TMEM44: variants seen among roughly 807,000 people sequenced by gnomAD.
TMEM44 encodes transmembrane protein 44.
In TMEM44, 43 loss-of-function variants were observed where a neutral mutation model predicts 47.8. The observed-to-expected ratio is 0.90, with a 90% CI of 0.70 to 1.16. The LOEUF is 1.16. TMEM44 is among the 50% of genes most tolerant of loss of function. The pLI is 0.00. For synonymous variants in TMEM44, 277 were observed against 238.8 expected (o/e 1.16, Z -1.48); for missense variants, 568 against 555.2 (o/e 1.02, Z -0.23).
intron 9 of TMEM44, chr3:194,593,075 T>TGCAGAATAAAAAGAGAG: frequency 6.2e-7 from 1 of 1,613,508 alleles, no homozygotes. Context: ...ATACTTCTGC[T>TGCAGAATAAAAAGAGAG]GCAGAATAAA....
chr3:194,615,439 C>CT (rs1715774736), intron 7 of TMEM44, 130 bp downstream of exon 7: 17 of 1,303,224 alleles, frequency 1.3e-5, no homozygotes, highest in Admixed American at 2.3e-5. Flanking sequence ...GGACAGCTGT[C>CT]TGAGTCGCCT....
intron 9 of TMEM44, among the ~76,000 whole-genome samples, chr3:194,599,449 A>G (rs1713806066): frequency 6.6e-6 from 1 of 152,186 alleles, no homozygotes; most frequent in Non-Finnish European, 1.5e-5. Context: ...CTTCAAGCAA[A>G]TAGGGGGGCA....
In TMEM44 at chr3:194,610,961, T is replaced by G; in HGVS notation, c.972A>C (p.Thr324=). ...LSHCKSLRTM[T]AISRYMELTI... is the part of the protein sequence containing the mutation. ...TCAGCTCCATGTAGCGACTGATTGC[T>G]GTCATTGTCCTCAGTGACTTGCAGT... The change falls in exon 8 of 10, where the codon ACA becomes ACC. Residue 324 remains threonine (T), a synonymous_variant. Transcript: ENST00000347147. The G allele has an allele frequency of 1.2e-6, 2 of 1,614,078 alleles. No homozygotes were observed. The highest frequency in any genetic ancestry group is 1.7e-6 in the Non-Finnish European group (2 of 1,180,010).
Position 194,633,301 on chromosome 3 carries a change from G to A in TMEM44, c.-86C>T, listed in dbSNP as rs1219860822. The A allele has an allele frequency of 4.7e-6, 3 of 637,660 alleles. No homozygotes were observed. The highest frequency in any genetic ancestry group is 5.9e-6 in the Non-Finnish European group (3 of 505,994). The allele number at this position is 637,660 out of a possible 1,614,324, so 39.5% of individuals were successfully genotyped here. ...CAAGCCCCGAGCGCCGCCGCCCCGC[G>A]TGCCCTTCTCTGGGTTCCGTTCCGC... On this transcript the variant is annotated 5_prime_UTR_variant, in exon 1 of 10. In the 5' UTR this introduces an upstream ATG that the reference lacks. Transcript: ENST00000347147.
At chr3:194,623,347 T>C in intron 4 of TMEM44, 37 bp from the exon 5 acceptor site, 1 of 1,568,194 alleles carries the variant, frequency 6.4e-7, no homozygotes, top group Non-Finnish European at 8.7e-7. Context: ...ATCAGTACTC[T>C]GCAGAGACTG....
intron 7 of TMEM44, among the ~76,000 whole-genome samples, chr3:194,612,518 A>G (rs1276192301): frequency 6.6e-6 from 1 of 151,664 alleles, no homozygotes; most frequent in Non-Finnish European, 1.5e-5. Context: ...CACTTCCTCC[A>G]TCCTGGCCAC....
intron 9 of TMEM44, among the ~76,000 whole-genome samples, chr3:194,591,022 C>T (rs544065711): frequency 2.6e-5 from 4 of 151,632 alleles, no homozygotes; most frequent in East Asian, 3.9e-4. Flanking sequence ...GGTGAAACCC[C>T]GTCTCTACCA....
chr3:194,588,759 G>C (rs1180784855), intron 9 of TMEM44, 120 bp from the exon 10 acceptor site: 1 of 969,552 alleles, frequency 1.0e-6, no homozygotes, highest in Admixed American at 2.0e-5. Context: ...CACAGACAAG[G>C]ACAAAAGGGT....
intron 1 of TMEM44, among the ~76,000 whole-genome samples, chr3:194,629,375 G>A (rs893659021): frequency 2.6e-5 from 4 of 152,164 alleles, no homozygotes; most frequent in Non-Finnish European, 4.4e-5. Context: ...CTCCCTCAGC[G>A]CCCCCACAGC....
chr3:194,602,789 C>T (rs561362804), intron 9 of TMEM44, among the ~76,000 whole-genome samples: 1 of 152,254 alleles, frequency 6.6e-6, no homozygotes, highest in East Asian at 1.9e-4. Flanking sequence ...GACTGCCACC[C>T]TGAGGAATCC....
chr3:194,597,504 C>T (rs1057018812), intron 9 of TMEM44, among the ~76,000 whole-genome samples: 3 of 151,672 alleles, frequency 2.0e-5, no homozygotes, highest in African/African-American at 7.3e-5. Context: ...ACTAAAAATA[C>T]AAAAAATTAG....
At chr3:194,617,878 C>A (rs1045983942) in intron 5 of TMEM44, 3 of 620,296 alleles carry the variant, frequency 4.8e-6, no homozygotes, top group Admixed American at 5.0e-5. Flanking sequence ...CTCCTGAGAT[C>A]TGGCTGTTCA....
At chr3:194,626,766 C>T (rs1368450153) in intron 2 of TMEM44, among the ~76,000 whole-genome samples, 1 of 150,306 alleles carries the variant, frequency 6.7e-6, no homozygotes, top group African/African-American at 2.5e-5. Flanking sequence ...TCACTGCAAG[C>T]TCCACCTCCT....
chr3:194,600,961 T>C (rs896096395), intron 9 of TMEM44, among the ~76,000 whole-genome samples: 7 of 152,178 alleles, frequency 4.6e-5, no homozygotes, highest in African/African-American at 1.7e-4. Context: ...GGCTTTGTCA[T>C]TTGTATTATC....
In TMEM44 at chr3:194,599,986, C is replaced by G. The variant is rs150984614; in HGVS notation, c.1176+4301G>C. On this transcript the variant is annotated intron_variant, in intron 9 of 9. Coordinates refer to ENST00000347147, the MANE Select transcript of TMEM44 (RefSeq NM_001011655.3). ...TGTTGTTCAGGCTGGTCTTGAACTC[C>G]TGACCTCAGGTAATCCACCCGCCTC... 1.7e-3 allele frequency among the ~76,000 whole-genome samples: 259 copies of G among 152,284 alleles called. 3 individuals are homozygous for G. The highest frequency in any genetic ancestry group is 5.9e-3 in the African/African-American group (244 of 41,562).
At position 194,625,851 on chromosome 3, in the gene TMEM44, G is replaced by A. The variant is rs757456267; in HGVS notation, c.358+46C>T. 8 of 1,516,816 alleles carry A rather than the reference G, an allele frequency of 5.3e-6. No individual in the cohort carries two copies. The South Asian group carries it at 9.0e-5, about 17-fold the overall frequency. 94.0% of individuals were successfully genotyped at this position (1,516,816 alleles called of 1,614,324 possible). A position where few individuals can be genotyped will look rare whatever the true frequency, so the allele number is the denominator to read the frequency against. On this transcript the variant is annotated intron_variant, in intron 3 of 9. Transcript: ENST00000347147. ...AGGAGTAGGCATTCGGCGTGCTGAT[G>A]AATGAATGGGTGAATAAAGACAGGA... is the stretch of plus-strand genomic sequence containing the variant.
chr3:194,631,320 A>G (rs61321633), intron 1 of TMEM44, among the ~76,000 whole-genome samples: 8,318 of 152,190 alleles, frequency 0.055, 705 homozygotes, highest in African/African-American at 0.17. Context: ...AGACACCGAG[A>G]CAGGGTGGCA....
In TMEM44 at chr3:194,616,859, C is replaced by T. The variant is rs147225209; in HGVS notation, c.783+240G>A. The T allele has an allele frequency of 3.2e-3, 1,735 of 548,236 alleles. 25 individuals are homozygous for T. The highest frequency in any genetic ancestry group is 0.029 in the African/African-American group (1,515 of 52,648). The allele number at this position is 548,236 out of a possible 1,614,324, so 34.0% of individuals were successfully genotyped here. ...GCAGTGAGCCAAGATCACGCCACTGCACTCCAGCCTGGGCAACACAGCGAG... is the reference window on the plus strand; with the variant it reads ...GCAGTGAGCCAAGATCACGCCACTGTACTCCAGCCTGGGCAACACAGCGAG... On this transcript the variant is annotated intron_variant, in intron 6 of 9. Coordinates refer to ENST00000347147, the MANE Select transcript of TMEM44 (RefSeq NM_001011655.3).
intron 3 of TMEM44, among the ~76,000 whole-genome samples, chr3:194,624,515 C>T (rs1231592629): frequency 6.6e-6 from 1 of 152,136 alleles, no homozygotes; most frequent in African/African-American, 2.4e-5. Flanking sequence ...ACCTCCTGGG[C>T]TCAAGTGATC....
Sources: allele counts gnomAD v4.1 joint callset (sites outside exome capture counted in the v4.1 genomes callset), GRCh38; gene constraint gnomAD v4.1.1; transcripts MANE v1.5; gene names NCBI Gene and HGNC (gene_info 2026-07-23, HGNC 2026-07-21).